The following RREB1 variants were observed in gnomAD, a reference collection of about 807,000 sequenced individuals.
The protein encoded by RREB1 is ras-responsive element-binding protein 1.
In RREB1, 27 loss-of-function variants were observed where a neutral mutation model predicts 117.8. The ratio of observed to expected loss-of-function variants is 0.23; its 90% CI spans 0.17 to 0.32. The LOEUF is 0.32. Among genes scored for constraint, RREB1 ranks in the 10% least tolerant of loss-of-function variants. The probability of loss-of-function intolerance (pLI) is 1.00; values close to 1 mark genes in which losing one functional copy is unlikely to be tolerated. For missense variants in RREB1, 2,577 were observed against 2,378.2 expected, an observed-to-expected ratio of 1.08 and a Z score of -1.74; for synonymous variants, 1,298 against 1,026.7, an observed-to-expected ratio of 1.26 and a Z score of -5.05.
chr6:7,222,722 G>A (rs1024577096), intron 8 of RREB1, among the ~76,000 whole-genome samples: 3 of 152,092 alleles, frequency 2.0e-5, no homozygotes, highest in African/African-American at 7.2e-5. Context: ...AGTTACTAGG[G>A]AGGCTGAGAC....
chr6:7,177,090 G>A (rs1316145283), intron 2 of RREB1, among the ~76,000 whole-genome samples: 3 of 151,786 alleles, frequency 2.0e-5, no homozygotes, highest in African/African-American at 7.3e-5. Flanking sequence ...GTGGTGGTGC[G>A]TGCCTGTAAT....
At chr6:7,162,185 G>GT (rs1301400353) in intron 1 of RREB1, among the ~76,000 whole-genome samples, 3 of 151,612 alleles carry the variant, frequency 2.0e-5, no homozygotes, top group Admixed American at 6.6e-5. Context: ...CAAGGTTGCC[G>GT]TTTTTTTATT....
At chr6:7,129,152 C>T (rs1350612084) in intron 1 of RREB1, among the ~76,000 whole-genome samples, 1 of 152,140 alleles carries the variant, frequency 6.6e-6, no homozygotes, top group African/African-American at 2.4e-5. Flanking sequence ...AGCCAAGTTC[C>T]CATGGGAAGG....
intron 11 of RREB1, among the ~76,000 whole-genome samples, chr6:7,244,235 C>T (rs984700118): frequency 3.3e-5 from 5 of 151,548 alleles, no homozygotes; most frequent in African/African-American, 1.2e-4. Flanking sequence ...TGCACTCCAG[C>T]CCGGGTGACA....
At chr6:7,147,068 G>T (rs1254168411) in intron 1 of RREB1, among the ~76,000 whole-genome samples, 7 of 152,160 alleles carry the variant, frequency 4.6e-5, no homozygotes, top group African/African-American at 7.2e-5. Flanking sequence ...CCTGTAAAAT[G>T]GACTGTGGGT....
intron 1 of RREB1, among the ~76,000 whole-genome samples, chr6:7,115,896 G>A (rs947277808): frequency 2.6e-5 from 4 of 152,114 alleles, no homozygotes; most frequent in Non-Finnish European, 5.9e-5. Context: ...CCGTCCTGAC[G>A]TATGTCTGTC....
chr6:7,188,226 C>CGTGTGT (rs149501678), intron 5 of RREB1, among the ~76,000 whole-genome samples: 10,573 of 149,268 alleles, frequency 0.071, 390 homozygotes, highest in South Asian at 0.091. Context: ...CCCCCCCACA[C>CGTGTGT]GTGTGTGTGT....
chr6:7,168,190 GGTTGCA>G lies in RREB1; in HGVS notation c.-284-8462_-284-8457del, dbSNP rs1446877112. 2.7e-5 allele frequency among the ~76,000 whole-genome samples: 4 copies of G among 147,780 alleles called. No individual in the cohort carries two copies. The East Asian group carries it at 8.4e-4, about 31-fold the overall frequency. Reference sequence around the variant, plus strand: ...GAATCACTTGAACCCAGGAGGCAGAGGTTGCAGTGAGCCGAGATCATGCCACTGCAC... The same window carrying G: ...GAATCACTTGAACCCAGGAGGCAGAGGTGAGCCGAGATCATGCCACTGCAC... On this transcript the variant is annotated intron_variant, in intron 1 of 12. Coordinates refer to ENST00000379938, the MANE Select transcript of RREB1 (RefSeq NM_001003699.4).
Position 7,211,579 on chromosome 6 carries a change from G to A in RREB1, c.577G>A (p.Glu193Lys). 6.2e-7 allele frequency: 1 copy of A among 1,614,120 alleles called. No individual in the cohort carries two copies. Among genetic ancestry groups the A allele is most frequent in the East Asian group, 2.2e-5 (1 of 44,882 alleles). The change falls in exon 8 of 13, where the codon GAA (glutamate) becomes AAA (lysine). Residue 193 changes from glutamate (E) to lysine (K), a missense_variant. By Grantham distance (56) the Glu-to-Lys change is moderately conservative. Coordinates refer to ENST00000379938, the MANE Select transcript of RREB1 (RefSeq NM_001003699.4). ...TTTTTTCCTTTTCCCTCAGATGGTA[G>A]AAGACGGGCAGTCAGGTGACTTGGA... ...EDPAPAKKMV[E>K]DGQSGDLEKK...
chr6:7,182,010 T>A lies in RREB1; in HGVS notation c.99T>A (p.Asn33Lys). The A allele has an allele frequency of 6.2e-7, 1 of 1,614,018 alleles. No homozygotes were observed. The highest frequency in any genetic ancestry group is 8.5e-7 in the Non-Finnish European group (1 of 1,179,952). ...AVMSVGKVTENGGSPQGIKSP... is the reference protein window; with the variant it reads ...AVMSVGKVTEKGGSPQGIKSP... Reference sequence around the variant, plus strand: ...TGAGTGTAGGGAAGGTCACAGAGAATGGCGGGAGCCCCCAGGGGATCAAGT... The same window carrying A: ...TGAGTGTAGGGAAGGTCACAGAGAAAGGCGGGAGCCCCCAGGGGATCAAGT... The change falls in exon 4 of 13, where the codon AAT becomes AAA. Residue 33 changes from asparagine (N) to lysine (K), a missense_variant. Asn to Lys is a moderately conservative substitution (Grantham distance 94, BLOSUM62 0). Coordinates refer to ENST00000379938, the MANE Select transcript of RREB1 (RefSeq NM_001003699.4).
chr6:7,117,912 T>A (rs137865650), intron 1 of RREB1, among the ~76,000 whole-genome samples: 13 of 151,908 alleles, frequency 8.6e-5, no homozygotes, highest in African/African-American at 3.1e-4. Flanking sequence ...AAGAAGAAAA[T>A]GACATAGTGT....
At position 7,126,251 on chromosome 6, in the gene RREB1, T is replaced by C. The variant is rs559633863; in HGVS notation, c.-285+18191T>C. 2.4e-4 allele frequency among the ~76,000 whole-genome samples: 36 copies of C among 151,542 alleles called. No individual in the cohort carries two copies. The Middle Eastern group carries it at 0.01, about 43-fold the overall frequency. ...TGCTGACCTCGTGATCCGCCCGCCTTGGCCTCCCAAAGTGCTGGGATTACA... is the reference window on the plus strand; with the variant it reads ...TGCTGACCTCGTGATCCGCCCGCCTCGGCCTCCCAAAGTGCTGGGATTACA... On this transcript the variant is annotated intron_variant, in intron 1 of 12. Coordinates refer to ENST00000379938, the MANE Select transcript of RREB1 (RefSeq NM_001003699.4).
chr6:7,233,620 G>A (rs556358517), intron 10 of RREB1, among the ~76,000 whole-genome samples: 1 of 152,228 alleles, frequency 6.6e-6, no homozygotes, highest in African/African-American at 2.4e-5. Context: ...ATTTAGCTCT[G>A]GGCATCCTGG....
chr6:7,175,254 C>T (rs1230767892), intron 1 of RREB1, among the ~76,000 whole-genome samples: 1 of 151,830 alleles, frequency 6.6e-6, no homozygotes, highest in East Asian at 1.9e-4. Context: ...TCATGTGTCA[C>T]GCAAAACAGG....
chr6:7,111,442 G>C (rs1338348160), intron 1 of RREB1, among the ~76,000 whole-genome samples: 1 of 152,144 alleles, frequency 6.6e-6, no homozygotes, highest in African/African-American at 2.4e-5. Context: ...GGAAACAGAA[G>C]TGAATTCTTT....
At position 7,229,655 on chromosome 6, in the gene RREB1, T is replaced by A. The variant is rs754261658; in HGVS notation, c.1556T>A (p.Val519Glu). The A allele has an allele frequency of 2.2e-5, 35 of 1,612,040 alleles. No individual in the cohort carries two copies. The South Asian group carries it at 3.9e-4, about 18-fold the overall frequency. ...CCCCTGGTCACACCACGGACGGTGG[T>A]GGCCACCTCCACGCCCCCGCCTCTC... is the stretch of plus-strand genomic sequence containing the variant. ...PKPLVTPRTV[V>E]ATSTPPPLIN... Residue 519 changes from valine to glutamate, a missense_variant, in exon 10 of 13, where the codon GTG (valine) becomes GAG (glutamate). Physicochemically the swap from Val to Glu is moderately radical, Grantham distance 121 (BLOSUM62 -2). Coordinates refer to ENST00000379938, the MANE Select transcript of RREB1 (RefSeq NM_001003699.4). The surrounding 1 kb of genome is among the most constrained non-coding windows in gnomAD (Gnocchi z 4.5).
chr6:7,112,696 A>G (rs902402846), intron 1 of RREB1, among the ~76,000 whole-genome samples: 31 of 152,252 alleles, frequency 2.0e-4, no homozygotes, highest in African/African-American at 6.8e-4. Context: ...CATAGAAGGC[A>G]GAATACAGAA....
At position 7,230,991 on chromosome 6, in the gene RREB1, G is replaced by A. The variant is rs1339350992; in HGVS notation, c.2892G>A (p.Gly964=). 5.0e-6 allele frequency: 8 copies of A among 1,614,166 alleles called. No individual in the cohort carries two copies. In the East Asian group the frequency reaches 1.6e-4, roughly 31 times the overall value. ...CCAAGAAGCCTGAGGAGGAGGCGGG[G>A]AGCAGCGAGCAGCCCTCTCCCTGCC... ...SEAKKPEEEA[G]SSEQPSPCPA... The change falls in exon 10 of 13, where the codon GGG becomes GGA. Residue 964 remains glycine, a synonymous_variant. Transcript: ENST00000379938.
intron 1 of RREB1, among the ~76,000 whole-genome samples, chr6:7,156,209 G>A (rs1174942283): frequency 6.6e-6 from 1 of 152,180 alleles, no homozygotes; most frequent in Admixed American, 6.5e-5. Flanking sequence ...GGGAGAGGGA[G>A]GAAATTATTT....
Sources: gnomAD v4.1 joint callset for allele counts (sites outside exome capture counted in the v4.1 genomes callset) on GRCh38, gnomAD v4.1.1 for gene constraint, Gnocchi (gnomAD v3.1) non-coding constraint, MANE v1.5 for transcripts, NCBI Gene and HGNC (gene_info 2026-07-23, HGNC 2026-07-21) for gene names.